The following ITGA2B variants were observed in gnomAD, a reference collection of about 807,000 sequenced individuals.
ITGA2B encodes the protein integrin alpha-IIb.
A neutral mutation model predicts 142.0 loss-of-function variants in ITGA2B; 91 were observed. The ratio of observed to expected loss-of-function variants is 0.64; its 90% CI spans 0.54 to 0.76. The LOEUF (loss-of-function observed/expected upper bound fraction) is 0.76, where lower values mean the gene tolerates loss of function less well. Among genes scored for constraint, ITGA2B ranks in the 30% least tolerant of loss-of-function variants. ITGA2B has a pLI of 0.00. For synonymous variants in ITGA2B, 536 were observed against 567.2 expected (o/e 0.94, Z 0.78); for missense variants, 1,231 against 1,350.8 (o/e 0.91, Z 1.39).
intron 13 of ITGA2B, 98 bp from the exon 14 acceptor site, chr17:44,380,743 G>A: frequency 1.3e-6 from 2 of 1,594,148 alleles, no homozygotes; most frequent in Non-Finnish European, 1.7e-6. Flanking sequence ...CCCACTGGAG[G>A]TTTCACCCAG....
chr17:44,384,815 G>T (rs1168995218), intron 7 of ITGA2B, 133 bp downstream of exon 7: 29 of 1,449,540 alleles, frequency 2.0e-5, no homozygotes, highest in Non-Finnish European at 2.6e-5. Context: ...CCGCAGGAGC[G>T]GAGGGCGGGA....
intron 7 of ITGA2B, 110 bp from the exon 8 acceptor site, chr17:44,384,695 G>A: frequency 7.1e-7 from 1 of 1,405,250 alleles, no homozygotes. Context: ...GCATTGTGCA[G>A]ATGGAAAAAC....
rs1189826961 is a variant in ITGA2B, at chr17:44,374,353, C to T, written c.3060+1G>A. On this transcript the variant is annotated splice_donor_variant, in intron 29 of 29. Coordinates refer to ENST00000262407, the MANE Select transcript of ITGA2B (RefSeq NM_000419.5). LOFTEE classifies it high-confidence loss of function. ...GGACTCCACCGTCCTTCACACCTCA[C>T]CTTCCACATGGCCAGGACCAGGATG... The T allele has an allele frequency of 6.2e-7, 1 of 1,613,884 alleles. No individual in the cohort carries two copies. The highest frequency in any genetic ancestry group is 2.2e-5 in the East Asian group (1 of 44,888).
At chr17:44,373,728 G>C (rs2048515312) in intron 29 of ITGA2B, among the ~76,000 whole-genome samples, 1 of 152,302 alleles carries the variant, frequency 6.6e-6, no homozygotes. Context: ...CTGAAGGCAG[G>C]ACTTACACCC....
intron 12 of ITGA2B, 131 bp downstream of exon 12, chr17:44,383,362 C>A (rs1461898348): frequency 2.4e-6 from 2 of 827,150 alleles, no homozygotes; most frequent in African/African-American, 1.7e-5. Context: ...CCACTCAGCA[C>A]CCCATGTGTC....
In ITGA2B at chr17:44,375,085, C is replaced by A. The variant is rs1015399230; in HGVS notation, c.2754G>T (p.Val918=). The A allele has an allele frequency of 1.9e-6, 3 of 1,549,014 alleles. No homozygotes were observed. The highest frequency in any genetic ancestry group is 1.2e-5 in the South Asian group (1 of 84,064). ...CCATCTCCTGCAGGTCACACTGCAC[C>A]ACAGTACAGGGCGCCGAGTCGCAGC... The part of the protein sequence containing the change: ...LVSCDSAPCT[V]VQCDLQEMAR... Residue 918 remains valine, a synonymous_variant, in exon 27 of 30, where the codon GTG becomes GTT. Coordinates refer to ENST00000262407, the MANE Select transcript of ITGA2B (RefSeq NM_000419.5).
Position 44,375,630 on chromosome 17 carries a change from C to G in ITGA2B, c.2688G>C (p.Glu896Asp). The G allele has an allele frequency of 1.2e-6, 2 of 1,613,774 alleles. No individual in the cohort carries two copies. Among genetic ancestry groups the G allele is most frequent in the Non-Finnish European group, 1.7e-6 (2 of 1,179,938 alleles). Residue 896 changes from glutamate to aspartate, a missense_variant, in exon 26 of 30, where the codon GAG becomes GAC. This residue lies in a region of ITGA2B where 908 missense variants were observed against 1,021.1 expected (regional missense o/e 0.89). Transcript: ENST00000262407. ...CCTGAAGCCTCGAGGGCTGCTCGGG[C>G]TCTGGCAGGAAGATCTGTCTGCGAT... ...KRDRRQIFLP[E>D]PEQPSRLQDP...
intron 4 of ITGA2B, 78 bp from the exon 5 acceptor site, chr17:44,385,413 G>C: frequency 6.4e-7 from 1 of 1,552,360 alleles, no homozygotes; most frequent in Non-Finnish European, 8.7e-7. Context: ...CTGGGGGACA[G>C]GGGCGGGGCC....
chr17:44,379,820 A>G lies in ITGA2B; in HGVS notation c.1753-6T>C. ...TCCCGGAAGTCTGCCTCATCCTAGG[A>G]CAGGGGCAAGAGTCAGGCCATCTTG... On this transcript the variant is annotated splice_region_variant and splice_polypyrimidine_tract_variant and intron_variant, in intron 17 of 29. Transcript: ENST00000262407. 6.2e-7 allele frequency: 1 copy of G among 1,613,766 alleles called. No homozygotes were observed. The highest frequency in any genetic ancestry group is 1.1e-5 in the South Asian group (1 of 91,070).
chr17:44,377,651 T>C, intron 21 of ITGA2B, 47 bp downstream of exon 21: 1 of 1,390,846 alleles, frequency 7.2e-7, no homozygotes, highest in Non-Finnish European at 1.0e-6. Flanking sequence ...ATCTGGTTAT[T>C]CATGAGCCCC....
intron 4 of ITGA2B, 83 bp downstream of exon 4, chr17:44,385,468 G>A: frequency 3.3e-6 from 5 of 1,523,590 alleles, no homozygotes; most frequent in Non-Finnish European, 4.4e-6. Context: ...CAAAGCAAGG[G>A]CTGCGGCGCT....
chr17:44,380,287 A>C lies in ITGA2B; in HGVS notation c.1559T>G (p.Met520Arg). The change falls in exon 16 of 30, where the codon ATG (methionine) becomes AGG (arginine). Residue 520 changes from methionine (M) to arginine (R), a missense_variant. Physicochemically the swap from Met to Arg is moderately conservative, Grantham distance 91. Around this residue, in one of 3 missense-constraint regions of ITGA2B, gnomAD observed 908 missense variants for 1,021.1 expected, o/e 0.89. Transcript: ENST00000262407. Reference protein sequence around the residue: ...KTPVSCFNIQMCVGATGHNIP... With the variant: ...KTPVSCFNIQRCVGATGHNIP... ...GTTGTGCCCAGTGGCTCCAACACAC[A>C]TCTGGATGTTGAAGCTGCAAAGACG... The C allele has an allele frequency of 3.7e-6, 6 of 1,614,094 alleles. No homozygotes were observed. The highest frequency in any genetic ancestry group is 1.3e-5 in the African/African-American group (1 of 75,008).
At position 44,383,635 on chromosome 17, in the gene ITGA2B, C is replaced by G; in HGVS notation, c.1068G>C (p.Val356=). ...GCTGCAGGAACAAATACACACGCCC[C>G]ACTTCGGCCAGTTTTCGGTCTGCCC... The part of the protein sequence containing the change: ...ESRADRKLAE[V]GRVYLFLQPR... The change falls in exon 12 of 30, where the codon GTG becomes GTC. Residue 356 remains valine (V), a synonymous_variant. Transcript: ENST00000262407. 1 of 1,603,302 alleles carries G rather than the reference C, an allele frequency of 6.2e-7. No individual in the cohort carries two copies. The highest frequency in any genetic ancestry group is 8.5e-7 in the Non-Finnish European group (1 of 1,175,412).
chr17:44,384,898 C>T (rs374985637), intron 7 of ITGA2B, 50 bp downstream of exon 7: 5 of 1,612,262 alleles, frequency 3.1e-6, no homozygotes, highest in Non-Finnish European at 4.2e-6. Context: ...TGACCGTCTG[C>T]GGTGGGCGGT....
chr17:44,384,822 G>C (rs1467451421), intron 7 of ITGA2B, 126 bp downstream of exon 7: 1 of 1,482,152 alleles, frequency 6.7e-7, no homozygotes, highest in Non-Finnish European at 9.4e-7. Flanking sequence ...AGCGGAGGGC[G>C]GGAGCGGCTT....
chr17:44,379,411 C>T lies in ITGA2B; in HGVS notation c.1878+278G>A, dbSNP rs775308038. 5.9e-5 allele frequency among the ~76,000 whole-genome samples: 9 copies of T among 151,980 alleles called. No homozygotes were observed. The highest frequency in any genetic ancestry group is 1.4e-4 in the African/African-American group (6 of 41,446). ...AATTACAGGCATGCGTCACCACACC[C>T]GGCTAATTTTTTTTGTATTTTTAGT... On this transcript the variant is annotated intron_variant, in intron 18 of 29. Coordinates refer to ENST00000262407, the MANE Select transcript of ITGA2B (RefSeq NM_000419.5).
At chr17:44,378,239 T>TA (rs1567900284) in intron 20 of ITGA2B, 123 bp downstream of exon 20, 5 of 1,256,690 alleles carry the variant, frequency 4.0e-6, no homozygotes, top group Non-Finnish European at 5.3e-6. Flanking sequence ...AAAAAAAAAA[T>TA]AAAAAATTAC....
chr17:44,384,047 C>T, intron 10 of ITGA2B, 38 bp downstream of exon 10: 1 of 1,613,792 alleles, frequency 6.2e-7, no homozygotes, highest in Non-Finnish European at 8.5e-7. Context: ...CTCAGTTCCC[C>T]CTCCACCCAG....
At chr17:44,372,992 C>T (rs530466093) in intron 29 of ITGA2B, among the ~76,000 whole-genome samples, 2 of 152,236 alleles carry the variant, frequency 1.3e-5, no homozygotes, top group South Asian at 4.2e-4. Context: ...ATCCTCTCAC[C>T]TCTTAGCCTC....
Sources: allele counts gnomAD v4.1 joint callset (sites outside exome capture counted in the v4.1 genomes callset), GRCh38; gene constraint gnomAD v4.1.1; regional missense constraint gnomAD v4.1.1; transcripts MANE v1.5; gene names NCBI Gene and HGNC (gene_info 2026-07-23, HGNC 2026-07-21).